Variants in NOL4L observed in about 807,000 individuals in gnomAD.
The protein encoded by NOL4L is nucleolar protein 4-like.
A neutral mutation model predicts 64.5 loss-of-function variants in NOL4L; 7 were observed. That is an observed-to-expected ratio of 0.11 (90% CI 0.06 to 0.20). The LOEUF (loss-of-function observed/expected upper bound fraction) is 0.20. NOL4L is among the 10% of genes least tolerant of loss of function. NOL4L has a pLI of 1.00. For missense variants in NOL4L, 680 were observed against 967.1 expected (o/e 0.70, Z 3.94); for synonymous variants, 413 against 401.0 (o/e 1.03, Z -0.36).
rs1430879553 is a variant in NOL4L at position 32,463,879 on chromosome 20, C to T, written c.842-7484G>A. On this transcript the variant is annotated intron_variant, in intron 5 of 10. Coordinates refer to ENST00000621426, the MANE Select transcript of NOL4L (RefSeq NM_001256798.2). This position sits in a 1 kb window ranked among gnomAD's most constrained non-coding sequence, Gnocchi z 5.8. ...GCTAGGCTCGGAGAACGGGAAGGCCCACCATCCCTGGGACCACAGGCCAGG... is the reference window on the plus strand; with the variant it reads ...GCTAGGCTCGGAGAACGGGAAGGCCTACCATCCCTGGGACCACAGGCCAGG... Among the ~76,000 whole-genome samples the T allele has an allele frequency of 2.6e-5, 4 of 152,156 alleles. No homozygotes were observed. The highest frequency in any genetic ancestry group is 9.7e-5 in the African/African-American group (4 of 41,424).
At position 32,584,675 on chromosome 20, in the gene NOL4L, C is replaced by G. The variant is rs1174431046; in HGVS notation, c.216G>C (p.Glu72Asp). Residue 72 changes from glutamate (E) to aspartate (D), a missense_variant, in exon 1 of 11, where the codon GAG (glutamate) becomes GAC (aspartate). Transcript: ENST00000621426. Reference sequence around the variant, plus strand: ...GCACCCAGAACTGGAACTTGCCTTTCTCGCCGGCTGCGGGGCCGCTGCCCG... The same window carrying G: ...GCACCCAGAACTGGAACTTGCCTTTGTCGCCGGCTGCGGGGCCGCTGCCCG... Reference protein sequence around the residue: ...TGAGSGPAAGEKGKFQFWVRS... With the variant: ...TGAGSGPAAGDKGKFQFWVRS... The G allele has an allele frequency of 6.5e-7, 1 of 1,547,774 alleles. No individual in the cohort carries two copies. The highest frequency in any genetic ancestry group is 8.7e-7 in the Non-Finnish European group (1 of 1,145,632).
intron 4 of NOL4L, among the ~76,000 whole-genome samples, chr20:32,510,841 G>T (rs752730671): frequency 3.3e-5 from 5 of 152,132 alleles, no homozygotes; most frequent in Non-Finnish European, 7.4e-5. Context: ...TGTTTCCATG[G>T]TGTCTCACGG....
At chr20:32,518,988 C>A (rs979771992) in intron 3 of NOL4L, among the ~76,000 whole-genome samples, 5 of 152,198 alleles carry the variant, frequency 3.3e-5, no homozygotes, top group African/African-American at 1.2e-4. Flanking sequence ...TGCACCAATG[C>A]CAGGTACAGG....
In NOL4L at chr20:32,584,604, C is replaced by G; in HGVS notation, c.287G>C (p.Gly96Ala). 6.5e-7 allele frequency: 1 copy of G among 1,531,636 alleles called. No individual in the cohort carries two copies. The highest frequency in any genetic ancestry group is 8.8e-7 in the Non-Finnish European group (1 of 1,137,102). The allele number at this position is 1,531,636 out of a possible 1,614,324, so 94.9% of individuals were successfully genotyped here. ...CTTGACCGGCACATACACCACTTGG[C>G]CCATCTTGGGTTCCCGGCCGCTGCC... Reference protein sequence around the residue: ...RLGSGREPKMGQVVYVPVKTG... With the variant: ...RLGSGREPKMAQVVYVPVKTG... Residue 96 changes from glycine to alanine, a missense_variant, in exon 1 of 11, where the codon GGC becomes GCC. Physicochemically the swap from Gly to Ala is moderately conservative, Grantham distance 60 (BLOSUM62 0). This residue lies in a region of NOL4L where 181 missense variants were observed against 335.2 expected (regional missense o/e 0.54). Coordinates refer to ENST00000621426, the MANE Select transcript of NOL4L (RefSeq NM_001256798.2).
chr20:32,456,128 G>A lies in NOL4L; in HGVS notation c.1109C>T (p.Thr370Ile), dbSNP rs778391475. 2 of 1,538,526 alleles carry A rather than the reference G, an allele frequency of 1.3e-6. No individual in the cohort carries two copies. Among genetic ancestry groups the A allele is most frequent in the South Asian group, 1.3e-5 (1 of 79,996 alleles). The change falls in exon 6 of 11, where the codon ACC becomes ATC. Residue 370 changes from threonine to isoleucine, a missense_variant. By Grantham distance (89) the Thr-to-Ile change is moderately conservative. Transcript: ENST00000621426. ...CCCAGCCCCACACACCTCGGGGGTGGTCTTCACCCCGTATTTGACGCGGCT... is the reference window on the plus strand; with the variant it reads ...CCCAGCCCCACACACCTCGGGGGTGATCTTCACCCCGTATTTGACGCGGCT... ...LRSRVKYGVK[T>I]TPESPPYSSG...
At chr20:32,565,061 GC>G (rs1394334862) in intron 1 of NOL4L, 1 of 152,534 alleles carries the variant, frequency 6.6e-6, no homozygotes, top group East Asian at 1.9e-4. Flanking sequence ...CACCAGGCGT[GC>G]CCCTCTCTCA....
rs1468313471 is a variant in NOL4L, at chr20:32,447,517, C to G, written c.*79G>C. ...CACCTCTTTCAAAAACAAAATGTAC[C>G]AACTGGTGAGGCAGGAAGCCAGGTC... On this transcript the variant is annotated 3_prime_UTR_variant, in exon 11 of 11. Transcript: ENST00000621426. The G allele has an allele frequency of 6.7e-7, 1 of 1,491,028 alleles. No individual in the cohort carries two copies. 92.4% of individuals were successfully genotyped at this position (1,491,028 alleles called of 1,614,324 possible).
intron 1 of NOL4L, among the ~76,000 whole-genome samples, chr20:32,564,273 C>G (rs58416849): frequency 0.026 from 3,944 of 152,290 alleles, 171 homozygotes; most frequent in African/African-American, 0.088. Context: ...AGGGAGCTAA[C>G]GATTGAAAAA....
At chr20:32,475,242 C>G (rs1226346693) in intron 4 of NOL4L, 2 of 985,328 alleles carry the variant, frequency 2.0e-6, no homozygotes, top group African/African-American at 3.5e-5. Context: ...TTCCTTTCTC[C>G]CACTCCCCCA....
At chr20:32,456,471 CT>C in intron 5 of NOL4L, 76 bp from the exon 6 acceptor site, 1 of 1,342,248 alleles carries the variant, frequency 7.5e-7, no homozygotes, top group Non-Finnish European at 9.7e-7. Flanking sequence ...GTATCCCACC[CT>C]GTGTCCTCCT....
chr20:32,571,998 A>G (rs1979771879), intron 1 of NOL4L, among the ~76,000 whole-genome samples: 1 of 152,062 alleles, frequency 6.6e-6, no homozygotes, highest in Admixed American at 6.5e-5. Context: ...CTAATATCCC[A>G]AGGTTGGCAC....
At chr20:32,581,231 C>G (rs1980451110) in intron 1 of NOL4L, among the ~76,000 whole-genome samples, 1 of 152,200 alleles carries the variant, frequency 6.6e-6, no homozygotes, top group Non-Finnish European at 1.5e-5. Flanking sequence ...CAACTTGCCT[C>G]TCCCCCACGC....
At chr20:32,461,410 AC>A (rs2014035458) in intron 5 of NOL4L, among the ~76,000 whole-genome samples, 1 of 91,746 alleles carries the variant, frequency 1.1e-5, no homozygotes, top group African/African-American at 4.5e-5. Context: ...TGACCCCTCT[AC>A]CTTTCTTTTC....
intron 4 of NOL4L, among the ~76,000 whole-genome samples, chr20:32,507,727 T>A (rs1047985345): frequency 5.9e-5 from 9 of 152,198 alleles, no homozygotes; most frequent in African/African-American, 2.2e-4. Flanking sequence ...ATATTTATCC[T>A]GGCCGGGCAC....
intron 4 of NOL4L, among the ~76,000 whole-genome samples, chr20:32,487,556 T>A (rs529019918): frequency 6.8e-6 from 1 of 146,836 alleles, no homozygotes; most frequent in South Asian, 2.1e-4. Context: ...AAACTGCTGA[T>A]GAAAGGAAAG....
At position 32,474,596 on chromosome 20, in the gene NOL4L, C is replaced by T. The variant is rs1163606546; in HGVS notation, c.841+5G>A. 1 of 1,608,160 alleles carries T rather than the reference C, an allele frequency of 6.2e-7. No individual in the cohort carries two copies. The highest frequency in any genetic ancestry group is 1.3e-5 in the African/African-American group (1 of 74,818). On this transcript the variant is annotated splice_donor_5th_base_variant and intron_variant, in intron 5 of 10. Transcript: ENST00000621426. ...CCTCCTCAACTGCCACCAAGGGGCA[C>T]TCACCGTCCTCTTGACTGTGGAGGT...
At chr20:32,452,066 G>A (rs1350725928) in intron 10 of NOL4L, among the ~76,000 whole-genome samples, 170 bp downstream of exon 10, 1 of 152,346 alleles carries the variant, frequency 6.6e-6, no homozygotes, top group Middle Eastern at 3.4e-3. Flanking sequence ...CAGCTAAGAC[G>A]ATGAAGTGGA....
At chr20:32,507,633 A>G (rs1313905211) in intron 4 of NOL4L, among the ~76,000 whole-genome samples, 2 of 152,202 alleles carry the variant, frequency 1.3e-5, no homozygotes, top group East Asian at 1.9e-4. Flanking sequence ...TCTCTTGGAT[A>G]CGTGATGTTG....
At chr20:32,503,346 G>GGTAATAGAT (rs1568663791) in intron 4 of NOL4L, among the ~76,000 whole-genome samples, 1 of 152,162 alleles carries the variant, frequency 6.6e-6, no homozygotes, top group African/African-American at 2.4e-5. Flanking sequence ...AACAAGAGGA[G>GGTAATAGAT]GTAATAGATG....
Sources: gnomAD v4.1 joint callset for allele counts (sites outside exome capture counted in the v4.1 genomes callset) on GRCh38, gnomAD v4.1.1 for gene constraint, gnomAD v4.1.1 regional missense constraint, Gnocchi (gnomAD v3.1) non-coding constraint, MANE v1.5 for transcripts, NCBI Gene and HGNC (gene_info 2026-07-23, HGNC 2026-07-21) for gene names.